CCDC63: variants seen among roughly 807,000 people sequenced by gnomAD.
CCDC63 encodes the protein coiled-coil domain-containing protein 63.
Under a neutral mutation model 63.6 loss-of-function variants are expected in CCDC63, and 54 were observed. The observed-to-expected ratio is 0.85, with a 90% confidence interval of 0.68 to 1.07. The LOEUF is 1.07. CCDC63 is among the 50% of genes least tolerant of loss of function. The pLI is 0.00. For synonymous variants in CCDC63, 253 were observed against 266.1 expected, an observed-to-expected ratio of 0.95 and a Z score of 0.48; for missense variants, 637 against 689.6, an observed-to-expected ratio of 0.92 and a Z score of 0.86.
At chr12:110,850,402 C>T (rs1368205363) in intron 1 of CCDC63, among the ~76,000 whole-genome samples, 1 of 152,214 alleles carries the variant, frequency 6.6e-6, no homozygotes, top group Non-Finnish European at 1.5e-5. Context: ...GTTGGGGAGG[C>T]AATGAACTGA....
intron 4 of CCDC63, 132 bp from the exon 5 acceptor site, chr12:110,873,710 C>T: frequency 1.7e-6 from 2 of 1,164,820 alleles, no homozygotes; most frequent in Non-Finnish European, 2.4e-6. Flanking sequence ...TCTGAGCACA[C>T]TTCAGTTAGT....
At chr12:110,895,014 A>T (rs1310606921) in intron 9 of CCDC63, among the ~76,000 whole-genome samples, 3 of 152,180 alleles carry the variant, frequency 2.0e-5, no homozygotes, top group African/African-American at 2.4e-5. Flanking sequence ...TCCCGGGTTC[A>T]AGCGATTCTC....
intron 4 of CCDC63, among the ~76,000 whole-genome samples, chr12:110,863,350 TTA>T (rs2070889087): frequency 6.6e-6 from 1 of 152,038 alleles, no homozygotes; most frequent in South Asian, 2.1e-4. Context: ...CCTCATCAGT[TTA>T]TGTGAAACCC....
intron 2 of CCDC63, 60 bp downstream of exon 2, chr12:110,853,023 C>G: frequency 1.3e-6 from 2 of 1,544,228 alleles, no homozygotes; most frequent in South Asian, 1.1e-5. Flanking sequence ...ACTGTGCCAT[C>G]CACTTTACAC....
intron 3 of CCDC63, among the ~76,000 whole-genome samples, chr12:110,858,326 G>A (rs552944736): frequency 1.2e-3 from 177 of 152,192 alleles, no homozygotes; most frequent in African/African-American, 4.2e-3. Flanking sequence ...AATGGGTTTT[G>A]ACAGGCACAG....
chr12:110,861,660 C>T (rs758404926), intron 4 of CCDC63, among the ~76,000 whole-genome samples: 13 of 152,028 alleles, frequency 8.6e-5, no homozygotes, highest in South Asian at 4.2e-4. Flanking sequence ...CAACCTCCAC[C>T]TCCTGGGTTC....
At chr12:110,859,784 G>A (rs75687869) in intron 4 of CCDC63, among the ~76,000 whole-genome samples, 4,574 of 152,236 alleles carry the variant, frequency 0.03, 195 homozygotes, top group African/African-American at 0.095. Context: ...CAAAGAGCTG[G>A]AAGTATTTGC....
intron 3 of CCDC63, among the ~76,000 whole-genome samples, chr12:110,857,781 T>C (rs2070793299): frequency 6.6e-6 from 1 of 152,178 alleles, no homozygotes; most frequent in Non-Finnish European, 1.5e-5. Flanking sequence ...GCTTAGAGGC[T>C]ATTATGCATC....
intron 3 of CCDC63, among the ~76,000 whole-genome samples, chr12:110,856,231 G>A (rs1012275417): frequency 2.6e-5 from 4 of 151,612 alleles, no homozygotes; most frequent in South Asian, 2.1e-4. Context: ...GACTACAGGC[G>A]CCCACCACCA....
At chr12:110,850,387 C>T (rs537155452) in intron 1 of CCDC63, among the ~76,000 whole-genome samples, 8 of 152,336 alleles carry the variant, frequency 5.3e-5, no homozygotes, top group South Asian at 2.1e-4. Flanking sequence ...TGGAGGGAAG[C>T]GACTGTTGGG....
At chr12:110,860,487 C>T (rs1215126478) in intron 4 of CCDC63, among the ~76,000 whole-genome samples, 4 of 152,172 alleles carry the variant, frequency 2.6e-5, no homozygotes, top group Non-Finnish European at 2.9e-5. Context: ...CCCAGTGTCC[C>T]GCACACAGTA....
At chr12:110,875,768 C>T (rs2071122017) in intron 5 of CCDC63, among the ~76,000 whole-genome samples, 1 of 151,968 alleles carries the variant, frequency 6.6e-6, no homozygotes, top group Admixed American at 6.6e-5. Flanking sequence ...TCCCTTCATC[C>T]CTAACGAGAT....
intron 7 of CCDC63, among the ~76,000 whole-genome samples, chr12:110,883,636 CTTGTTTGTTTGT>C (rs549071860): frequency 6.6e-6 from 1 of 151,002 alleles, no homozygotes; most frequent in Non-Finnish European, 1.5e-5. Flanking sequence ...TTTTTGTTTG[CTTGTTTGTTTGT>C]TTGTTTTTTG....
At chr12:110,892,918 T>A (rs1416482996) in intron 8 of CCDC63, among the ~76,000 whole-genome samples, 158 bp from the exon 9 acceptor site, 1 of 151,172 alleles carries the variant, frequency 6.6e-6, no homozygotes, top group East Asian at 1.9e-4. Context: ...GAAAAAAAAA[T>A]AATAACCCCA....
intron 11 of CCDC63, among the ~76,000 whole-genome samples, chr12:110,906,041 AATATATAATAT>A (rs1218503334): frequency 1.8e-5 from 1 of 55,020 alleles, no homozygotes; most frequent in Admixed American, 3.3e-4. Context: ...ATAATAATAT[AATATATAATAT>A]ATATATAATA....
intron 8 of CCDC63, among the ~76,000 whole-genome samples, chr12:110,886,311 G>A (rs899708352): frequency 1.3e-5 from 2 of 152,124 alleles, no homozygotes; most frequent in Non-Finnish European, 2.9e-5. Flanking sequence ...CTTTGAACCC[G>A]GGAGGTGGAG....
At chr12:110,890,129 C>CA (rs1476758857) in intron 8 of CCDC63, among the ~76,000 whole-genome samples, 2 of 151,824 alleles carry the variant, frequency 1.3e-5, no homozygotes, top group Non-Finnish European at 2.9e-5. Context: ...CCCATCTCTA[C>CA]AAAAAATACA....
intron 9 of CCDC63, among the ~76,000 whole-genome samples, chr12:110,898,315 G>C (rs899795321): frequency 6.7e-6 from 1 of 148,946 alleles, no homozygotes; most frequent in Non-Finnish European, 1.5e-5. Flanking sequence ...AAATTAAAGA[G>C]TCAACAGCTT....
At chr12:110,897,771 C>T (rs1367999157) in intron 9 of CCDC63, among the ~76,000 whole-genome samples, 23 of 140,124 alleles carry the variant, frequency 1.6e-4, no homozygotes, top group Non-Finnish European at 3.5e-4. Context: ...CTCGCTCTGT[C>T]ACCCAGGCTG....
Sources: gnomAD v4.1 joint callset for allele counts (sites outside exome capture counted in the v4.1 genomes callset) on GRCh38, gnomAD v4.1.1 for gene constraint, MANE v1.5 for transcripts, NCBI Gene and HGNC (gene_info 2026-07-23, HGNC 2026-07-21) for gene names.